The following LEPR variants were observed in gnomAD, a reference collection of about 807,000 sequenced individuals.
The protein encoded by LEPR is leptin receptor.
LEPR carries 56 observed loss-of-function variants against 114.7 expected under a neutral mutation model. The ratio of observed to expected loss-of-function variants is 0.49; its 90% CI spans 0.39 to 0.61. The LOEUF is 0.61. Among genes scored for constraint, LEPR ranks in the 20% least tolerant of loss-of-function variants. The pLI is 0.00. For synonymous variants in LEPR, 443 were observed against 461.4 expected (o/e 0.96, Z 0.51); for missense variants, 1,202 against 1,352.9 (o/e 0.89, Z 1.75).
chr1:65,566,525 A>G (rs894422982), intron 3 of LEPR, among the ~76,000 whole-genome samples: 1 of 152,212 alleles, frequency 6.6e-6, no homozygotes, highest in East Asian at 1.9e-4. Flanking sequence ...ACTTTTGAGC[A>G]TACTGTTCTC....
chr1:65,434,775 C>T, intron 2 of LEPR: 1 of 985,428 alleles, frequency 1.0e-6, no homozygotes, highest in Non-Finnish European at 1.2e-6. Context: ...AACTGAGAAC[C>T]TTCCCACTGG....
Position 65,567,249 on chromosome 1 carries a change from A to G in LEPR, c.40+1644A>G, listed in dbSNP as rs117108853. 4.1e-4 allele frequency among the ~76,000 whole-genome samples: 63 copies of G among 152,336 alleles called. No homozygotes were observed. In the East Asian group the frequency reaches 0.011, roughly 27 times the overall value. ...CTGCATCAATAGTTGCTATGTTTTT[A>G]AAGTTCATCATTACATTTTACATTT... On this transcript the variant is annotated intron_variant, in intron 3 of 19. Coordinates refer to ENST00000349533, the MANE Select transcript of LEPR (RefSeq NM_002303.6).
At chr1:65,544,567 T>A (rs1329713628) in intron 2 of LEPR, among the ~76,000 whole-genome samples, 1 of 151,992 alleles carries the variant, frequency 6.6e-6, no homozygotes, top group African/African-American at 2.4e-5. Flanking sequence ...AGTATGATAT[T>A]GGCTATGGGT....
At chr1:65,620,397 A>G (rs1471834139) in intron 17 of LEPR, among the ~76,000 whole-genome samples, 1 of 152,236 alleles carries the variant, frequency 6.6e-6, no homozygotes, top group African/African-American at 2.4e-5. Flanking sequence ...TACATGTATT[A>G]TCCAACAGAT....
chr1:65,421,219 G>A, intron 1 of LEPR: 1 of 1,176,984 alleles, frequency 8.5e-7, no homozygotes, highest in Non-Finnish European at 1.2e-6. Context: ...ACCGCGGGCG[G>A]GTGTCAATGG....
chr1:65,633,147 AAC>A lies in LEPR; in HGVS notation c.2674-3042_2674-3041del. 1 of 1,578,900 alleles carries A rather than the reference AAC, an allele frequency of 6.3e-7. No individual in the cohort carries two copies. The highest frequency in any genetic ancestry group is 8.7e-7 in the Non-Finnish European group (1 of 1,150,474). ...TTCTTATTTTGTTTTATTTTATCTA[AAC>A]AGAGAACGGACATTCTTTGAAGTCT... On this transcript the variant is annotated intron_variant, in intron 19 of 19. Transcript: ENST00000349533. The surrounding 1 kb of genome is among the most constrained non-coding windows in gnomAD (Gnocchi z 4.1).
intron 2 of LEPR, chr1:65,526,104 G>C (rs1422460689): frequency 2.1e-6 from 2 of 964,738 alleles, no homozygotes; most frequent in African/African-American, 4.0e-5. Context: ...ACCTGCTCGG[G>C]ACCACCGAGA....
chr1:65,632,841 T>A (rs1446107320), intron 19 of LEPR, among the ~76,000 whole-genome samples: 1 of 152,118 alleles, frequency 6.6e-6, no homozygotes, highest in East Asian at 1.9e-4. Context: ...TGGTTCTCCC[T>A]CTTTAAATTT....
chr1:65,554,928 C>T (rs1017933268), intron 2 of LEPR, among the ~76,000 whole-genome samples: 7 of 152,132 alleles, frequency 4.6e-5, no homozygotes, highest in Admixed American at 1.3e-4. Context: ...CTGTCCCTCA[C>T]GGCACAGTCC....
At chr1:65,503,727 T>C (rs184532710) in intron 2 of LEPR, among the ~76,000 whole-genome samples, 20 of 152,168 alleles carry the variant, frequency 1.3e-4, no homozygotes, top group African/African-American at 4.8e-4. Context: ...AACTCATGCT[T>C]ACATTATTAT....
At chr1:65,459,424 C>T (rs907575658) in intron 2 of LEPR, among the ~76,000 whole-genome samples, 2 of 152,138 alleles carry the variant, frequency 1.3e-5, no homozygotes, top group Admixed American at 6.5e-5. Flanking sequence ...TAGAAAGCCA[C>T]CCTTAGGAGT....
At chr1:65,431,842 G>A (rs989866213) in intron 2 of LEPR, 3 of 1,614,030 alleles carry the variant, frequency 1.9e-6, no homozygotes, top group African/African-American at 1.3e-5. Context: ...GGCAGGCAAT[G>A]CAGTCATTTT....
intron 2 of LEPR, among the ~76,000 whole-genome samples, chr1:65,525,224 C>T (rs1178898881): frequency 6.6e-6 from 1 of 151,368 alleles, no homozygotes; most frequent in Non-Finnish European, 1.5e-5. Context: ...GTTATTGCAA[C>T]CTTAATTGTA....
chr1:65,586,463 A>G (rs953224528), intron 5 of LEPR, among the ~76,000 whole-genome samples: 1 of 152,074 alleles, frequency 6.6e-6, no homozygotes, highest in Non-Finnish European at 1.5e-5. Context: ...AGGGCCAAAT[A>G]GTAAACATTT....
intron 14 of LEPR, among the ~76,000 whole-genome samples, chr1:65,611,325 T>A (rs1657150859): frequency 6.6e-6 from 1 of 152,210 alleles, no homozygotes; most frequent in African/African-American, 2.4e-5. Flanking sequence ...TCCCGGGGAA[T>A]TCAGGACCTG....
intron 1 of LEPR, chr1:65,421,186 A>T: frequency 2.4e-6 from 2 of 823,204 alleles, no homozygotes; most frequent in Middle Eastern, 2.9e-4. Flanking sequence ...TTTCCTAATG[A>T]TTTTTCCAAC....
intron 2 of LEPR, among the ~76,000 whole-genome samples, chr1:65,488,874 G>A (rs1336509064): frequency 6.6e-6 from 1 of 152,008 alleles, no homozygotes; most frequent in Non-Finnish European, 1.5e-5. Flanking sequence ...TGAGAAGTTT[G>A]TCTTTCTGTG....
intron 14 of LEPR, among the ~76,000 whole-genome samples, chr1:65,613,045 A>G (rs561723479): frequency 5.9e-5 from 9 of 152,344 alleles, no homozygotes; most frequent in Admixed American, 1.3e-4. Context: ...ACTTGAAGGT[A>G]GAGGACCTAC....
At chr1:65,469,629 A>G (rs1216584613) in intron 2 of LEPR, among the ~76,000 whole-genome samples, 1 of 152,188 alleles carries the variant, frequency 6.6e-6, no homozygotes, top group Non-Finnish European at 1.5e-5. Flanking sequence ...TAATGCACTG[A>G]GTCTAGTTAG....
Sources: allele counts gnomAD v4.1 joint callset (sites outside exome capture counted in the v4.1 genomes callset), GRCh38; gene constraint gnomAD v4.1.1; non-coding constraint Gnocchi (gnomAD v3.1); transcripts MANE v1.5; gene names NCBI Gene and HGNC (gene_info 2026-07-23, HGNC 2026-07-21).